MYO3B: variants seen among roughly 807,000 people sequenced by gnomAD.
The protein encoded by MYO3B is myosin IIIB.
A neutral mutation model predicts 174.6 loss-of-function variants in MYO3B; 156 were observed. That is an observed-to-expected ratio of 0.89 (90% confidence interval 0.78 to 1.02). MYO3B has a LOEUF of 1.02. Among genes scored for constraint, MYO3B ranks in the 50% least tolerant of loss-of-function variants. The pLI, the probability that MYO3B is intolerant of heterozygous loss-of-function variation, is 0.00. For missense variants in MYO3B, 1,632 were observed against 1,639.4 expected, an observed-to-expected ratio of 1.00 and a Z score of 0.08; for synonymous variants, 563 against 569.1, an observed-to-expected ratio of 0.99 and a Z score of 0.15.
intron 9 of MYO3B, among the ~76,000 whole-genome samples, chr2:170,380,830 A>T (rs1347276894): frequency 6.6e-6 from 1 of 152,210 alleles, no homozygotes; most frequent in Non-Finnish European, 1.5e-5. Context: ...CATAGGACTG[A>T]GTAGGCCGGG....
At chr2:170,195,351 C>A (rs1196793139) in intron 1 of MYO3B, among the ~76,000 whole-genome samples, 6 of 152,076 alleles carry the variant, frequency 3.9e-5, no homozygotes. Context: ...AGAAGAACGG[C>A]AGAACGGCAC....
At chr2:170,377,355 G>A (rs10194953) in intron 9 of MYO3B, among the ~76,000 whole-genome samples, 32,605 of 152,144 alleles carry the variant, frequency 0.21, 3,625 homozygotes, top group Middle Eastern at 0.31. Flanking sequence ...CCAAAGATTT[G>A]AACAAAGACC....
intron 28 of MYO3B, among the ~76,000 whole-genome samples, chr2:170,507,082 G>T (rs1440530019): frequency 6.6e-6 from 1 of 152,236 alleles, no homozygotes; most frequent in Non-Finnish European, 1.5e-5. Context: ...GAGAAGACAA[G>T]ATCCAAACTC....
chr2:170,214,301 G>A, intron 3 of MYO3B, 78 bp from the exon 4 acceptor site: 3 of 1,212,618 alleles, frequency 2.5e-6, no homozygotes, highest in Non-Finnish European at 3.6e-6. Context: ...GTATCAGTCG[G>A]CTTTTCTTAA....
At chr2:170,559,054 A>C (rs961162992) in intron 32 of MYO3B, among the ~76,000 whole-genome samples, 1 of 152,228 alleles carries the variant, frequency 6.6e-6, no homozygotes, top group African/African-American at 2.4e-5. Context: ...CTACAGAGTT[A>C]ATATGGCCTA....
At chr2:170,295,192 G>C (rs2093621540) in intron 7 of MYO3B, among the ~76,000 whole-genome samples, 1 of 151,596 alleles carries the variant, frequency 6.6e-6, no homozygotes, top group Admixed American at 6.6e-5. Context: ...TCTTGTAAAT[G>C]ACATGTATTT....
At chr2:170,281,432 T>G (rs1179898276) in intron 7 of MYO3B, among the ~76,000 whole-genome samples, 2 of 152,160 alleles carry the variant, frequency 1.3e-5, no homozygotes, top group African/African-American at 2.4e-5. Context: ...TGGACCACAG[T>G]GCAATAAAAA....
At chr2:170,193,730 G>T (rs2105324596) in intron 1 of MYO3B, among the ~76,000 whole-genome samples, 1 of 151,994 alleles carries the variant, frequency 6.6e-6, no homozygotes, top group South Asian at 2.1e-4. Context: ...CATCCATTTA[G>T]CAATTTATCA....
chr2:170,253,421 C>T lies in MYO3B; in HGVS notation c.749+17285C>T, dbSNP rs115497792. ...AGCTAACTTGGTGGGAGTATGCAGC[C>T]GAATCAAGAGTTCCTTTTCAGACAT... On this transcript the variant is annotated intron_variant, in intron 7 of 34. Coordinates refer to ENST00000408978, the MANE Select transcript of MYO3B (RefSeq NM_138995.5). 1.7e-3 allele frequency among the ~76,000 whole-genome samples: 254 copies of T among 152,186 alleles called. 2 individuals carry two copies. The highest frequency in any genetic ancestry group is 5.8e-3 in the African/African-American group (242 of 41,532).
At chr2:170,402,764 A>C in intron 18 of MYO3B, 84 bp from the exon 19 acceptor site, 1 of 1,333,602 alleles carries the variant, frequency 7.5e-7, no homozygotes, top group Non-Finnish European at 9.9e-7. Flanking sequence ...ACTTGAGCTG[A>C]TAAGCACTTG....
chr2:170,538,090 G>A (rs1292628667), intron 30 of MYO3B, among the ~76,000 whole-genome samples: 2 of 152,094 alleles, frequency 1.3e-5, no homozygotes, highest in African/African-American at 2.4e-5. Flanking sequence ...AGAATCTGAG[G>A]GGAGCCAGTG....
chr2:170,368,341 A>C (rs1277633720), intron 8 of MYO3B, among the ~76,000 whole-genome samples: 2 of 152,202 alleles, frequency 1.3e-5, no homozygotes, highest in East Asian at 3.8e-4. Context: ...AGATGTTAAA[A>C]TTTCTTCCTC....
At chr2:170,273,309 G>A (rs564273215) in intron 7 of MYO3B, among the ~76,000 whole-genome samples, 3 of 152,180 alleles carry the variant, frequency 2.0e-5, no homozygotes, top group South Asian at 4.2e-4. Context: ...AACTGGAGGC[G>A]AAACTAGGGA....
At chr2:170,277,430 G>C (rs2093471574) in intron 7 of MYO3B, among the ~76,000 whole-genome samples, 1 of 152,122 alleles carries the variant, frequency 6.6e-6, no homozygotes, top group African/African-American at 2.4e-5. Context: ...ATCAATTACT[G>C]GTTTTCAAAG....
At chr2:170,453,715 C>G (rs58475250) in intron 23 of MYO3B, among the ~76,000 whole-genome samples, 1 of 152,190 alleles carries the variant, frequency 6.6e-6, no homozygotes, top group South Asian at 2.1e-4. Context: ...AGATGCTGCC[C>G]GATAGTCTGC....
intron 1 of MYO3B, among the ~76,000 whole-genome samples, chr2:170,182,683 C>T (rs1417073262): frequency 6.7e-6 from 1 of 148,546 alleles, no homozygotes; most frequent in Non-Finnish European, 1.5e-5. Flanking sequence ...GTGATCTCAG[C>T]TGTCTGCAAC....
At chr2:170,525,336 A>T (rs1262816823) in intron 30 of MYO3B, among the ~76,000 whole-genome samples, 1 of 152,186 alleles carries the variant, frequency 6.6e-6, no homozygotes, top group Non-Finnish European at 1.5e-5. Context: ...ATAGTCTTTT[A>T]TGTTGTGGGG....
chr2:170,485,207 C>T (rs774952168), intron 25 of MYO3B, among the ~76,000 whole-genome samples: 2 of 151,938 alleles, frequency 1.3e-5, no homozygotes, highest in African/African-American at 4.8e-5. Flanking sequence ...ACAATTTTTA[C>T]CCAATGTTTG....
chr2:170,329,836 A>G (rs1371119426), intron 7 of MYO3B, among the ~76,000 whole-genome samples: 13 of 152,214 alleles, frequency 8.5e-5, no homozygotes, highest in Non-Finnish European at 1.2e-4. Context: ...AGAGACACAG[A>G]CACAGACACA....
Sources: gnomAD v4.1 joint callset for allele counts (sites outside exome capture counted in the v4.1 genomes callset) on GRCh38, gnomAD v4.1.1 for gene constraint, MANE v1.5 for transcripts, NCBI Gene and HGNC (gene_info 2026-07-23, HGNC 2026-07-21) for gene names.